The following UBR2 variants were observed in gnomAD, a reference collection of about 807,000 sequenced individuals.
The protein encoded by UBR2 is ubiquitin protein ligase E3 component n-recognin 2.
A neutral mutation model predicts 247.9 loss-of-function variants in UBR2; 92 were observed. The ratio of observed to expected loss-of-function variants is 0.37; its 90% CI spans 0.31 to 0.44. UBR2 has a LOEUF of 0.44. UBR2 is among the 20% of genes least tolerant of loss of function. The pLI is 1.00. For missense variants in UBR2, 1,613 were observed against 2,112.6 expected, an observed-to-expected ratio of 0.76 and a Z score of 4.64; for synonymous variants, 672 against 693.5, an observed-to-expected ratio of 0.97 and a Z score of 0.49.
At chr6:42,679,526 C>T (rs769098356) in intron 41 of UBR2, among the ~76,000 whole-genome samples, 198 bp from the exon 42 acceptor site, 17 of 152,270 alleles carry the variant, frequency 1.1e-4, no homozygotes, top group East Asian at 1.9e-4. Flanking sequence ...ATGTAGGAGT[C>T]GCCTGACTGC....
At chr6:42,614,420 G>A (rs62414624) in intron 8 of UBR2, among the ~76,000 whole-genome samples, 9,095 of 35,714 alleles carry the variant, frequency 0.25, 1,862 homozygotes, top group East Asian at 0.29. Context: ...ATGTACGTAC[G>A]TACATATATA....
In UBR2 at chr6:42,605,774, A is replaced by G. The variant is rs1464577061; in HGVS notation, c.716A>G (p.Tyr239Cys). The G allele has an allele frequency of 1.2e-6, 2 of 1,613,200 alleles. No individual in the cohort carries two copies. The highest frequency in any genetic ancestry group is 1.7e-6 in the Non-Finnish European group (2 of 1,179,568). ...CMLFNDEVHT[Y>C]EQVIYTLQKA... ...CTGTTTAATGATGAGGTTCACACCT[A>G]TGAACAAGTTATTTATACTCTTCAG... is the stretch of plus-strand genomic sequence containing the variant. Residue 239 changes from tyrosine to cysteine, a missense_variant, in exon 6 of 47, where the codon TAT becomes TGT. Physicochemically the swap from Tyr to Cys is radical, Grantham distance 194. Transcript: ENST00000372901.
intron 42 of UBR2, among the ~76,000 whole-genome samples, 156 bp downstream of exon 42, chr6:42,679,988 T>G (rs565207468): frequency 1.3e-5 from 2 of 151,988 alleles, no homozygotes; most frequent in South Asian, 2.1e-4. Context: ...TGTTGTTTGT[T>G]TTGTTTTGTT....
rs1562317740 is a variant in UBR2, at chr6:42,619,426, TA to T, written c.1281+1920del. On this transcript the variant is annotated intron_variant, in intron 11 of 46. Coordinates refer to ENST00000372901, the MANE Select transcript of UBR2 (RefSeq NM_001363705.2). ...CTCGTTATGAACATATATATATATA[TA>T]TATATATATATATATATATATATAT... 106 of 14,948 alleles carry T rather than the reference TA, an allele frequency of 7.1e-3. 4 individuals carry two copies. The highest frequency in any genetic ancestry group is 0.047 in the East Asian group (18 of 382). 0.9% of individuals were successfully genotyped at this position (14,948 alleles called of 1,614,324 possible).
At chr6:42,637,707 T>C (rs1796187928) in intron 15 of UBR2, among the ~76,000 whole-genome samples, 1 of 152,210 alleles carries the variant, frequency 6.6e-6, no homozygotes, top group African/African-American at 2.4e-5. Flanking sequence ...AACAAGGACA[T>C]AATGGGGTGA....
rs895202265 is a variant in UBR2 at position 42,617,598 on chromosome 6, A to G, written c.1281+91A>G. 3.4e-6 allele frequency: 4 copies of G among 1,168,536 alleles called. No homozygotes were observed. The African/African-American group carries it at 4.7e-5, about 14-fold the overall frequency. 72.4% of individuals were successfully genotyped at this position (1,168,536 alleles called of 1,614,324 possible). ...AACTAAAGTCTGTATATTCCTGAAA[A>G]GAATAGTATTTTATTAATGGGTAAT... On this transcript the variant is annotated intron_variant, in intron 11 of 46. Transcript: ENST00000372901.
At chr6:42,572,730 T>C (rs1791241989) in intron 1 of UBR2, among the ~76,000 whole-genome samples, 2 of 151,424 alleles carry the variant, frequency 1.3e-5, no homozygotes, top group Non-Finnish European at 2.9e-5. Context: ...TTTTTTTTTG[T>C]CCTTTGAGAC....
intron 15 of UBR2, among the ~76,000 whole-genome samples, chr6:42,639,929 G>A (rs1219921479): frequency 1.3e-5 from 2 of 152,200 alleles, no homozygotes; most frequent in African/African-American, 4.8e-5. Context: ...TCGGGAGGCT[G>A]AGGCAGGAGA....
At chr6:42,663,493 GGA>G (rs1797937827) in intron 32 of UBR2, 74 bp downstream of exon 32, 1 of 1,448,828 alleles carries the variant, frequency 6.9e-7, no homozygotes, top group South Asian at 1.4e-5. Context: ...AAATCAAGGA[GGA>G]AAACTTAGTC....
Position 42,658,008 on chromosome 6 carries a change from T to TA in UBR2, c.2873-15dup, listed in dbSNP as rs778051934. 6.3e-7 allele frequency: 1 copy of TA among 1,589,656 alleles called. No homozygotes were observed. Among genetic ancestry groups the TA allele is most frequent in the South Asian group, 1.1e-5 (1 of 89,938 alleles). ...TATTAGCTATTGTTATTGTGCCTTT[T>TA]ATTTTTCTGCCGTAGAACCTGGTGA... On this transcript the variant is annotated splice_polypyrimidine_tract_variant and intron_variant, in intron 26 of 46. Coordinates refer to ENST00000372901, the MANE Select transcript of UBR2 (RefSeq NM_001363705.2).
chr6:42,620,921 C>T (rs964463229), intron 11 of UBR2, among the ~76,000 whole-genome samples: 2 of 152,142 alleles, frequency 1.3e-5, no homozygotes, highest in Non-Finnish European at 1.5e-5. Flanking sequence ...TCTCCTTCCT[C>T]GGCCTCCTGA....
chr6:42,608,658 C>G (rs1419831708), intron 7 of UBR2, among the ~76,000 whole-genome samples: 1 of 152,018 alleles, frequency 6.6e-6, no homozygotes, highest in Non-Finnish European at 1.5e-5. Flanking sequence ...ACAAAAAAAA[C>G]TTGCCAATCT....
At chr6:42,666,705 G>A (rs73424427) in intron 34 of UBR2, among the ~76,000 whole-genome samples, 34,067 of 151,824 alleles carry the variant, frequency 0.22, 3,846 homozygotes, top group Middle Eastern at 0.26. Flanking sequence ...AATGAATCCC[G>A]CACTTCCGTC....
intron 2 of UBR2, among the ~76,000 whole-genome samples, chr6:42,585,971 T>C (rs1209014433): frequency 1.3e-5 from 2 of 152,206 alleles, no homozygotes; most frequent in Non-Finnish European, 2.9e-5. Flanking sequence ...AGTGCATTGC[T>C]AAACTTCCAT....
intron 3 of UBR2, 116 bp from the exon 4 acceptor site, chr6:42,594,075 C>G: frequency 1.4e-6 from 1 of 689,674 alleles, no homozygotes; most frequent in Non-Finnish European, 2.3e-6. Context: ...TTTATGCCTC[C>G]AAAGAAATTA....
Position 42,662,313 on chromosome 6 carries a change from T to A in UBR2, c.3536+36T>A, listed in dbSNP as rs182743964. On this transcript the variant is annotated intron_variant, in intron 31 of 46. Transcript: ENST00000372901. ...TTCTTAATATTTGTCAAGAGAAGTT[T>A]ATCTAAGGGCTCAATATTTTTTAAA... 4 of 1,300,764 alleles carry A rather than the reference T, an allele frequency of 3.1e-6. No homozygotes were observed. The East Asian group carries it at 9.6e-5, about 31-fold the overall frequency. 80.6% of individuals were successfully genotyped at this position (1,300,764 alleles called of 1,614,324 possible). A position where few individuals can be genotyped will look rare whatever the true frequency, so the allele number is the denominator to read the frequency against.
chr6:42,667,546 T>G (rs1194754924), intron 34 of UBR2, among the ~76,000 whole-genome samples: 3 of 149,666 alleles, frequency 2.0e-5, no homozygotes, highest in South Asian at 4.2e-4. Context: ...CTGATACAAG[T>G]TGCGTATTAG....
At chr6:42,673,971 G>T in intron 37 of UBR2, 84 bp downstream of exon 37, 1 of 1,288,686 alleles carries the variant, frequency 7.8e-7, no homozygotes, top group South Asian at 1.3e-5. Context: ...TCTCAGTAAT[G>T]AATTAAATAT....
chr6:42,620,506 G>GT (rs1053036634), intron 11 of UBR2, among the ~76,000 whole-genome samples: 18 of 111,170 alleles, frequency 1.6e-4, no homozygotes, highest in African/African-American at 2.5e-4. Context: ...TTTTGTTTTT[G>GT]TTTTTTTTTA....
Sources: gnomAD v4.1 joint callset for allele counts (sites outside exome capture counted in the v4.1 genomes callset) on GRCh38, gnomAD v4.1.1 for gene constraint, MANE v1.5 for transcripts, NCBI Gene and HGNC (gene_info 2026-07-23, HGNC 2026-07-21) for gene names.